PHLPP1: variants seen among roughly 807,000 people sequenced by gnomAD.
The protein encoded by PHLPP1 is PH domain and leucine rich repeat protein phosphatase 1.
In PHLPP1, 42 loss-of-function variants were observed where a neutral mutation model predicts 117.2. The observed-to-expected ratio is 0.36, with a 90% confidence interval of 0.28 to 0.46. The LOEUF is 0.46. Ranked by LOEUF, PHLPP1 falls within the 20% of genes least tolerant of loss-of-function variation. The pLI, the probability that PHLPP1 is intolerant of heterozygous loss-of-function variation, is 1.00. For missense variants in PHLPP1, 2,084 were observed against 2,241.9 expected (o/e 0.93, Z 1.42); for synonymous variants, 1,042 against 970.7 (o/e 1.07, Z -1.37).
chr18:62,753,112 T>C (rs541507990), intron 1 of PHLPP1, among the ~76,000 whole-genome samples: 1 of 152,332 alleles, frequency 6.6e-6, no homozygotes, highest in South Asian at 2.1e-4. Flanking sequence ...GAACTGAATA[T>C]CAGTAGTTTG....
At chr18:62,821,567 AAAAAG>A (rs1568127712) in intron 1 of PHLPP1, among the ~76,000 whole-genome samples, 1 of 149,586 alleles carries the variant, frequency 6.7e-6, no homozygotes, top group Non-Finnish European at 1.5e-5. Context: ...AAAAAAAAAA[AAAAAG>A]AAAAGAAAAA....
chr18:62,900,301 T>TAATA (rs142418645), intron 6 of PHLPP1, among the ~76,000 whole-genome samples: 1,589 of 144,720 alleles, frequency 0.011, 18 homozygotes, highest in East Asian at 0.045. Context: ...TGCCTTAAAA[T>TAATA]AATAAATAAA....
At chr18:62,726,123 C>A (rs983442015) in intron 1 of PHLPP1, among the ~76,000 whole-genome samples, 2 of 151,266 alleles carry the variant, frequency 1.3e-5, no homozygotes. Flanking sequence ...TATATACACA[C>A]ACACACACAC....
intron 1 of PHLPP1, among the ~76,000 whole-genome samples, chr18:62,750,376 C>T (rs1229109695): frequency 6.6e-6 from 1 of 152,154 alleles, no homozygotes; most frequent in Non-Finnish European, 1.5e-5. Context: ...TCCCTGCTCT[C>T]CCTCTCTCTC....
At chr18:62,822,163 A>G (rs1002046924) in intron 1 of PHLPP1, among the ~76,000 whole-genome samples, 1 of 151,818 alleles carries the variant, frequency 6.6e-6, no homozygotes, top group African/African-American at 2.4e-5. Flanking sequence ...CATTTGAGGA[A>G]CTCCAATATC....
intron 1 of PHLPP1, among the ~76,000 whole-genome samples, chr18:62,753,002 CAAAGAA>C (rs2144238119): frequency 6.6e-6 from 1 of 152,158 alleles, no homozygotes; most frequent in African/African-American, 2.4e-5. Context: ...AAATTATAAA[CAAAGAA>C]AAATAGCTGT....
intron 1 of PHLPP1, among the ~76,000 whole-genome samples, chr18:62,750,273 G>A (rs1911804107): frequency 6.6e-6 from 1 of 152,090 alleles, no homozygotes; most frequent in Non-Finnish European, 1.5e-5. Flanking sequence ...GTGCAGTTAT[G>A]TGTTCACTGG....
chr18:62,787,668 T>C (rs368149926), intron 1 of PHLPP1, among the ~76,000 whole-genome samples: 4 of 152,250 alleles, frequency 2.6e-5, no homozygotes, highest in African/African-American at 9.6e-5. Flanking sequence ...ATTCACTTGA[T>C]TGAGTTTCTC....
At chr18:62,963,228 A>G in intron 13 of PHLPP1, 140 bp from the exon 14 acceptor site, 2 of 581,808 alleles carry the variant, frequency 3.4e-6, no homozygotes, top group Non-Finnish European at 6.1e-6. Flanking sequence ...GCTGATAAGT[A>G]TTTCAGACAC....
intron 3 of PHLPP1, among the ~76,000 whole-genome samples, chr18:62,855,719 G>A (rs1376925756): frequency 6.6e-6 from 1 of 152,238 alleles, no homozygotes; most frequent in Non-Finnish European, 1.5e-5. Flanking sequence ...AAGGAGGAAA[G>A]GAAGCCAATA....
intron 8 of PHLPP1, 45 bp downstream of exon 8, chr18:62,905,329 T>G: frequency 2.0e-6 from 2 of 1,023,184 alleles, no homozygotes. Flanking sequence ...ACTAGAAAAT[T>G]ATTTAGTAAT....
chr18:62,742,689 C>T (rs983585559), intron 1 of PHLPP1, among the ~76,000 whole-genome samples: 2 of 152,208 alleles, frequency 1.3e-5, no homozygotes, highest in African/African-American at 4.8e-5. Flanking sequence ...CTGGCTCGGC[C>T]TCCCAAAGTG....
At chr18:62,722,492 A>C (rs778085371) in intron 1 of PHLPP1, among the ~76,000 whole-genome samples, 1 of 152,136 alleles carries the variant, frequency 6.6e-6, no homozygotes, top group Non-Finnish European at 1.5e-5. Flanking sequence ...TGGGAAAATG[A>C]AGTCTTTTTT....
chr18:62,810,535 G>T (rs1270974240), intron 1 of PHLPP1, among the ~76,000 whole-genome samples: 1 of 151,970 alleles, frequency 6.6e-6, no homozygotes, highest in Non-Finnish European at 1.5e-5. Context: ...TATAAATTAG[G>T]CACAGTAAGA....
intron 1 of PHLPP1, among the ~76,000 whole-genome samples, chr18:62,784,794 T>C (rs1047765935): frequency 2.6e-5 from 4 of 152,212 alleles, no homozygotes; most frequent in Non-Finnish European, 5.9e-5. Flanking sequence ...GATCCTTTTT[T>C]GAATTCAGTA....
At position 62,717,032 on chromosome 18, in the gene PHLPP1, CT is replaced by C. The variant is rs1568091982; in HGVS notation, c.1350del (p.Thr451ProfsTer7). The C allele has an allele frequency of 6.5e-7, 1 of 1,545,964 alleles. No homozygotes were observed. The highest frequency in any genetic ancestry group is 2.0e-5 in the Admixed American group (1 of 50,922). Reference sequence around the variant, plus strand: ...GCCGTGGCCCCGGGAGGCCTCCAGTCTACCCCCGGGAGGAGCGGGGTGACCG... The same window carrying C: ...GCCGTGGCCCCGGGAGGCCTCCAGTCACCCCCGGGAGGAGCGGGGTGACCG... ...AAAVAPGGLQ[S>X]TPGRSGVTAE... On this transcript the variant is annotated frameshift_variant, in exon 1 of 17. Coordinates refer to ENST00000262719, the MANE Select transcript of PHLPP1 (RefSeq NM_194449.4). LOFTEE classifies it high-confidence loss of function.
chr18:62,917,435 T>TGTGTGTGTGTGTGTGTGTG (rs1599119456), intron 9 of PHLPP1, among the ~76,000 whole-genome samples: 1 of 150,920 alleles, frequency 6.6e-6, no homozygotes, highest in Admixed American at 6.6e-5. Context: ...TGTGTGTGTG[T>TGTGTGTGTGTGTGTGTGTG]TTAACATGTG....
At chr18:62,946,909 C>T (rs984967170) in intron 12 of PHLPP1, among the ~76,000 whole-genome samples, 1 of 151,964 alleles carries the variant, frequency 6.6e-6, no homozygotes, top group South Asian at 2.1e-4. Flanking sequence ...AAAAATTAGC[C>T]GGGCATGGTG....
Position 62,715,772 on chromosome 18 carries a change from C to T in PHLPP1, c.89C>T (p.Ala30Val), listed in dbSNP as rs1252219239. Reference sequence around the variant, plus strand: ...TCGGCTCCGGCGGCCGCCGCTGCGGCAGCAGCAGCAGCAGCGGCGGCCGCG... The same window carrying T: ...TCGGCTCCGGCGGCCGCCGCTGCGGTAGCAGCAGCAGCAGCGGCGGCCGCG... The part of the protein sequence containing the change: ...RASAPAAAAA[A>V]AAAAAAAAAA... The change falls in exon 1 of 17, where the codon GCA becomes GTA. Residue 30 changes from alanine (A) to valine (V), a missense_variant. By Grantham distance (64) the Ala-to-Val change is moderately conservative (BLOSUM62 0). Coordinates refer to ENST00000262719, the MANE Select transcript of PHLPP1 (RefSeq NM_194449.4). The T allele has an allele frequency of 3.6e-6, 3 of 839,380 alleles. No homozygotes were observed. Among genetic ancestry groups the T allele is most frequent in the South Asian group, 1.1e-4 (2 of 18,550 alleles). 52.0% of individuals were successfully genotyped at this position (839,380 alleles called of 1,614,324 possible). A position where few individuals can be genotyped will look rare whatever the true frequency, so the allele number is the denominator to read the frequency against.
Sources: gnomAD v4.1 joint callset for allele counts (sites outside exome capture counted in the v4.1 genomes callset) on GRCh38, gnomAD v4.1.1 for gene constraint, MANE v1.5 for transcripts, NCBI Gene and HGNC (gene_info 2026-07-23, HGNC 2026-07-21) for gene names.